Variants in GCNT1 observed in about 807,000 individuals in gnomAD.
The protein encoded by GCNT1 is beta-1,3-galactosyl-O-glycosyl-glycoprotein beta-1,6-N-acetylglucosaminyltransferase.
In GCNT1, 16 loss-of-function variants were observed where a neutral mutation model predicts 26.2. The observed-to-expected ratio is 0.61, with a 90% confidence interval of 0.41 to 0.93. The LOEUF (loss-of-function observed/expected upper bound fraction) is 0.93, where lower values mean the gene tolerates loss of function less well. Among genes scored for constraint, GCNT1 ranks in the 40% least tolerant of loss-of-function variants. The pLI is 0.00. For missense variants in GCNT1, 477 were observed against 526.7 expected (o/e 0.91, Z 0.92); for synonymous variants, 183 against 190.8 (o/e 0.96, Z 0.34).
the GCNT1 span, among the ~76,000 whole-genome samples, chr9:76,395,201 A>G: frequency 1.3e-5 from 2 of 152,186 alleles, no homozygotes; most frequent in South Asian, 4.1e-4. Context: ...CTCTGGGCTC[A>G]CTCACAGGAT....
chr9:76,490,718 G>T (rs530350983), intron 2 of GCNT1, among the ~76,000 whole-genome samples: 2 of 152,232 alleles, frequency 1.3e-5, no homozygotes, highest in Admixed American at 6.5e-5. Flanking sequence ...TGAGTGCAAA[G>T]AACTCACTTG....
At chr9:76,404,196 T>G in the GCNT1 span, among the ~76,000 whole-genome samples, 1 of 152,214 alleles carries the variant, frequency 6.6e-6, no homozygotes, top group Non-Finnish European at 1.5e-5. Context: ...CATATAAAAT[T>G]ATTTCAGTTT....
chr9:76,442,868 T>TTTTTTTTTTTTTTTTTTTTTG (rs1341018800), intron 1 of GCNT1, among the ~76,000 whole-genome samples: 1 of 151,744 alleles, frequency 6.6e-6, no homozygotes, highest in East Asian at 1.9e-4. Context: ...CAAGCACTTT[T>TTTTTTTTTTTTTTTTTTTTTG]ATAGATGTTG....
the GCNT1 span, chr9:76,394,344 G>A: frequency 1.8e-6 from 1 of 549,994 alleles, no homozygotes; most frequent in Non-Finnish European, 3.1e-6. Flanking sequence ...GCGAATCCCT[G>A]ACGCCGCCGA....
At position 76,506,012 on chromosome 9, in the gene GCNT1, G is replaced by A. The variant is rs752866792; in HGVS notation, c.*2344G>A. 2.4e-5 allele frequency: 4 copies of A among 166,932 alleles called. No homozygotes were observed. The highest frequency in any genetic ancestry group is 5.9e-5 in the Non-Finnish European group (4 of 68,106). 10.3% of individuals were successfully genotyped at this position (166,932 alleles called of 1,614,324 possible). ...AATGCCTGCGGCAGAATTTATATAC[G>A]ATCCATTCATTGGGGCTCAAAGTAT... On this transcript the variant is annotated 3_prime_UTR_variant, in exon 4 of 4. Coordinates refer to ENST00000376730, the MANE Select transcript of GCNT1 (RefSeq NM_001490.5).
rs990855328 is a variant in GCNT1 at position 76,504,921 on chromosome 9, T to TG, written c.*1253_*1254insG. On this transcript the variant is annotated 3_prime_UTR_variant, in exon 4 of 4. Transcript: ENST00000376730. ...CTTTGGGTTTGGGACAGATTTTTTT[T>TG]TTTGTTTTTGGTATCATTCACAGCA... The TG allele has an allele frequency of 2.2e-4, 91 of 413,182 alleles. No homozygotes were observed. Among genetic ancestry groups the TG allele is most frequent in the Non-Finnish European group, 3.2e-4 (73 of 226,086 alleles). 25.6% of individuals were successfully genotyped at this position (413,182 alleles called of 1,614,324 possible).
chr9:76,461,765 T>C (rs1823875281), intron 2 of GCNT1, among the ~76,000 whole-genome samples: 1 of 151,628 alleles, frequency 6.6e-6, no homozygotes, highest in Non-Finnish European at 1.5e-5. Flanking sequence ...GGTGGGCACC[T>C]GTAATCCTAG....
At chr9:76,407,761 T>C in the GCNT1 span, among the ~76,000 whole-genome samples, 1 of 152,354 alleles carries the variant, frequency 6.6e-6, no homozygotes, top group Non-Finnish European at 1.5e-5. Context: ...GGAATACTTC[T>C]TCATTTATTT....
At chr9:76,472,502 G>A (rs920337811) in intron 2 of GCNT1, among the ~76,000 whole-genome samples, 1 of 152,146 alleles carries the variant, frequency 6.6e-6, no homozygotes, top group African/African-American at 2.4e-5. Context: ...TATGCCCCAG[G>A]GCCTCAGCTT....
intron 2 of GCNT1, among the ~76,000 whole-genome samples, chr9:76,461,781 C>T (rs986652424): frequency 6.6e-6 from 1 of 151,258 alleles, no homozygotes. Flanking sequence ...CCTAGCTACT[C>T]AGGAGGCTGA....
rs566198263 is a variant in GCNT1, at chr9:76,496,933, C to T, written c.-289-3983C>T. On this transcript the variant is annotated intron_variant, in intron 2 of 3. Coordinates refer to ENST00000376730, the MANE Select transcript of GCNT1 (RefSeq NM_001490.5). ...GGACCAGTGTCCACTGAGGGACCTT[C>T]TTCAGGACATGCCCCAGGTCAGTTG... is the stretch of plus-strand genomic sequence containing the variant. Among the ~76,000 whole-genome samples the T allele has an allele frequency of 9.2e-5, 14 of 152,336 alleles. No homozygotes were observed. In the South Asian group the frequency reaches 2.9e-3, roughly 32 times the overall value.
chr9:76,471,847 ATTT>A lies in GCNT1; in HGVS notation c.-290+11677_-290+11679del, dbSNP rs555961414. Among the ~76,000 whole-genome samples the A allele has an allele frequency of 4.0e-3, 608 of 151,742 alleles. 4 individuals carry two copies. Among genetic ancestry groups the A allele is most frequent in the African/African-American group, 0.013 (555 of 41,424 alleles). On this transcript the variant is annotated intron_variant, in intron 2 of 3. Transcript: ENST00000376730. ...TATTTTGGGTCAAAATAAGATGTAA[ATTT>A]TTTTTTCTTTTGAGACCAGTCTCGC...
At chr9:76,421,689 GTTTTTTT>G (rs1182829928) in intron 1 of GCNT1, among the ~76,000 whole-genome samples, 3 of 74,766 alleles carry the variant, frequency 4.0e-5, no homozygotes, top group Admixed American at 2.4e-4. Flanking sequence ...TTTGTAGGTT[GTTTTTTT>G]TTTTTTTTTT....
At chr9:76,424,161 A>T (rs934157151) in intron 1 of GCNT1, among the ~76,000 whole-genome samples, 22 of 152,302 alleles carry the variant, frequency 1.4e-4, no homozygotes, top group Admixed American at 2.6e-4. Context: ...CAAAAATCAG[A>T]CTGTAATATT....
In GCNT1 at chr9:76,432,207, A is replaced by G. The variant is rs145848492; in HGVS notation, n.38+12320A>G. Among the ~76,000 whole-genome samples, 398 of 152,342 alleles carry G rather than the reference A, an allele frequency of 2.6e-3. 1 individual carries two copies. Among genetic ancestry groups the G allele is most frequent in the African/African-American group, 9.3e-3 (385 of 41,578 alleles). ...AAATTTTTTATTGGGTGACCTAAATATATTACATTTAGTATATTACATAAA... is the reference window on the plus strand; with the variant it reads ...AAATTTTTTATTGGGTGACCTAAATGTATTACATTTAGTATATTACATAAA... On this transcript the variant is annotated intron_variant and non_coding_transcript_variant, in intron 1 of 3. Coordinates refer to the GCNT1 transcript ENST00000488136.
intron 1 of GCNT1, among the ~76,000 whole-genome samples, chr9:76,421,579 TGA>T (rs1823192263): frequency 8.5e-6 from 1 of 117,596 alleles, no homozygotes; most frequent in Non-Finnish European, 1.6e-5. Context: ...CCAGCCTGGA[TGA>T]GAGAGCAAGG....
At chr9:76,459,566 C>T (rs1392947969) in intron 1 of GCNT1, among the ~76,000 whole-genome samples, 2 of 152,192 alleles carry the variant, frequency 1.3e-5, no homozygotes, top group Non-Finnish European at 2.9e-5. Context: ...CACTTTCTGG[C>T]CTCTTGCCCC....
intron 1 of GCNT1, among the ~76,000 whole-genome samples, chr9:76,444,002 A>G (rs1823530584): frequency 6.6e-6 from 1 of 151,180 alleles, no homozygotes; most frequent in Admixed American, 6.6e-5. Context: ...AGAAAAAAAG[A>G]GCCAGAAGCA....
intron 2 of GCNT1, among the ~76,000 whole-genome samples, chr9:76,476,935 CAG>C (rs1267455298): frequency 6.6e-6 from 1 of 152,034 alleles, no homozygotes; most frequent in Admixed American, 6.6e-5. Flanking sequence ...TTTGTTTAGA[CAG>C]AGTCTTACTC....
Sources: gnomAD v4.1 joint callset for allele counts (sites outside exome capture counted in the v4.1 genomes callset) on GRCh38, gnomAD v4.1.1 for gene constraint, MANE v1.5 for transcripts, NCBI Gene and HGNC (gene_info 2026-07-23, HGNC 2026-07-21) for gene names.